The following TENM3 variants were observed in gnomAD, a reference collection of about 807,000 sequenced individuals.
TENM3 encodes the protein teneurin-3.
In TENM3, 63 loss-of-function variants were observed where a neutral mutation model predicts 255.1. The observed-to-expected ratio is 0.25, with a 90% CI of 0.20 to 0.30. The LOEUF (loss-of-function observed/expected upper bound fraction) is 0.30, where lower values mean the gene tolerates loss of function less well. Among genes scored for constraint, TENM3 ranks in the 10% least tolerant of loss-of-function variants. The pLI is 1.00. For missense variants in TENM3, 2,929 were observed against 3,461.1 expected (o/e 0.85, Z 3.86); for synonymous variants, 1,306 against 1,322.3 (o/e 0.99, Z 0.27).
At chr4:181,475,356 GT>G in the TENM3 span, among the ~76,000 whole-genome samples, 2 of 152,014 alleles carry the variant, frequency 1.3e-5, no homozygotes, top group Non-Finnish European at 2.9e-5. Context: ...AGAGTTCTGG[GT>G]TTTTTTTATT....
chr4:181,882,430 G>A, the TENM3 span, among the ~76,000 whole-genome samples: 1 of 152,174 alleles, frequency 6.6e-6, no homozygotes, highest in South Asian at 2.1e-4. Flanking sequence ...GTTCCAGAAG[G>A]GAGAACTGTT....
At chr4:182,077,448 A>C in the TENM3 span, among the ~76,000 whole-genome samples, 1 of 152,196 alleles carries the variant, frequency 6.6e-6, no homozygotes, top group African/African-American at 2.4e-5. Flanking sequence ...GCTTCAGCTG[A>C]AGTCAAAGTC....
chr4:181,979,656 T>C, the TENM3 span, among the ~76,000 whole-genome samples: 284 of 152,108 alleles, frequency 1.9e-3, 2 homozygotes, highest in African/African-American at 6.4e-3. Context: ...TGTCAGGCTT[T>C]TGGCCATATG....
the TENM3 span, among the ~76,000 whole-genome samples, chr4:181,687,032 G>A: frequency 6.6e-6 from 1 of 152,036 alleles, no homozygotes; most frequent in African/African-American, 2.4e-5. Context: ...CTGCTTCTCT[G>A]GGTTCTTATT....
At chr4:181,644,432 TA>T in the TENM3 span, among the ~76,000 whole-genome samples, 8,790 of 145,864 alleles carry the variant, frequency 0.06, 331 homozygotes, top group Middle Eastern at 0.14. Flanking sequence ...TCTCTTATCT[TA>T]AAAAAAAAAA....
At chr4:181,601,869 A>G in the TENM3 span, among the ~76,000 whole-genome samples, 2 of 152,088 alleles carry the variant, frequency 1.3e-5, no homozygotes. Flanking sequence ...GAATCAGTCC[A>G]TAACACACAG....
At chr4:181,805,576 A>G in the TENM3 span, among the ~76,000 whole-genome samples, 3 of 145,826 alleles carry the variant, frequency 2.1e-5, no homozygotes. Context: ...ATCCTTAAAA[A>G]CAAACGCCGT....
the TENM3 span, among the ~76,000 whole-genome samples, chr4:181,450,613 C>T: frequency 0.13 from 20,045 of 152,170 alleles, 1,504 homozygotes; most frequent in East Asian, 0.28. Flanking sequence ...TGCGACCTGA[C>T]TTGTTCAGAT....
At chr4:182,531,795 G>C (rs560780021) in intron 3 of TENM3, among the ~76,000 whole-genome samples, 4 of 152,298 alleles carry the variant, frequency 2.6e-5, no homozygotes, top group African/African-American at 9.6e-5. Context: ...GGCACCCTCT[G>C]CCCGGCATGT....
chr4:182,723,966 T>C (rs2309705), intron 13 of TENM3, among the ~76,000 whole-genome samples: 152,081 of 152,340 alleles, frequency 1, 75,911 homozygotes, highest in Non-Finnish European at 1. Context: ...CAAAGAAAGA[T>C]AAGAGCATGT....
the TENM3 span, among the ~76,000 whole-genome samples, chr4:181,839,756 T>C: frequency 1.3e-5 from 2 of 151,702 alleles, no homozygotes; most frequent in African/African-American, 4.8e-5. Flanking sequence ...TCAGGGGATA[T>C]CCTAACTCTT....
chr4:182,476,704 G>GGT, intron 3 of TENM3, among the ~76,000 whole-genome samples: 1 of 152,278 alleles, frequency 6.6e-6, no homozygotes, highest in East Asian at 1.9e-4. Flanking sequence ...AGGTCTGACA[G>GGT]TGAGCTGAAC....
At chr4:181,545,135 T>C in the TENM3 span, among the ~76,000 whole-genome samples, 9 of 152,330 alleles carry the variant, frequency 5.9e-5, no homozygotes, top group South Asian at 1.9e-3. Context: ...AAGCTAATAA[T>C]TTATGAGAGC....
At chr4:181,727,257 C>T in the TENM3 span, among the ~76,000 whole-genome samples, 2 of 152,192 alleles carry the variant, frequency 1.3e-5, no homozygotes, top group Non-Finnish European at 2.9e-5. Context: ...CCACCGCCAT[C>T]TTGTGGTATC....
chr4:182,754,371 C>CT lies in TENM3; in HGVS notation c.4018-7dup, dbSNP rs1044447532. On this transcript the variant is annotated splice_polypyrimidine_tract_variant and intron_variant, in intron 21 of 27. Transcript: ENST00000511685. This position sits in a 1 kb window ranked among gnomAD's most constrained non-coding sequence, Gnocchi z 5.1. Reference sequence around the variant, plus strand: ...CAGTAACTTACTAACCAGGCCATTTCTTTTTTTATTAAGGTACGTCTGGAA... The same window carrying CT: ...CAGTAACTTACTAACCAGGCCATTTCTTTTTTTTATTAAGGTACGTCTGGAA... 4 of 1,567,730 alleles carry CT rather than the reference C, an allele frequency of 2.6e-6. No individual in the cohort carries two copies. In the East Asian group the frequency reaches 6.8e-5, roughly 27 times the overall value.
intron 3 of TENM3, among the ~76,000 whole-genome samples, chr4:182,397,398 TAAAAAAAAAAAAAAAAA>T (rs144177808): frequency 4.1e-5 from 2 of 48,964 alleles, no homozygotes; most frequent in Admixed American, 4.1e-4. Flanking sequence ...AGACTCCATC[TAAAAAAAAAAAAAAAAA>T]AAAAAAAAAA....
At position 182,688,171 on chromosome 4, in the gene TENM3, T is replaced by C. The variant is rs751833848; in HGVS notation, c.2041T>C (p.Cys681Arg). Residue 681 changes from cysteine (C) to arginine (R), a missense_variant, in exon 12 of 28, where the codon TGT (cysteine) becomes CGT (arginine). Transcript: ENST00000511685. ...WTGPDCSNEI[C>R]SVDCGSHGVC... Reference sequence around the variant, plus strand: ...GTCCTCTTCCTCCCACATAGAAATATGTTCTGTGGACTGTGGCTCACACGG... The same window carrying C: ...GTCCTCTTCCTCCCACATAGAAATACGTTCTGTGGACTGTGGCTCACACGG... 1 of 1,598,704 alleles carries C rather than the reference T, an allele frequency of 6.3e-7. No individual in the cohort carries two copies. The highest frequency in any genetic ancestry group is 1.1e-5 in the South Asian group (1 of 89,196).
At chr4:182,215,042 G>A (rs1222357898) in intron 1 of TENM3, among the ~76,000 whole-genome samples, 4 of 152,158 alleles carry the variant, frequency 2.6e-5, no homozygotes, top group African/African-American at 2.4e-5. Flanking sequence ...GTCATTTCTC[G>A]TGATTACAGG....
chr4:182,143,527 C>A, upstream of TENM3: 1 of 166,968 alleles, frequency 6.0e-6, no homozygotes, highest in East Asian at 1.9e-4. This position sits in a 1 kb window ranked among gnomAD's most constrained non-coding sequence, Gnocchi z 4.3. Context: ...GGTGACTCAG[C>A]TGACCTGAAA....
Sources: allele counts gnomAD v4.1 joint callset (sites outside exome capture counted in the v4.1 genomes callset), GRCh38; gene constraint gnomAD v4.1.1; non-coding constraint Gnocchi (gnomAD v3.1); transcripts MANE v1.5; gene names NCBI Gene and HGNC (gene_info 2026-07-23, HGNC 2026-07-21).